KLHL8: variants seen among roughly 807,000 people sequenced by gnomAD.
KLHL8 encodes the protein kelch-like protein 8.
A neutral mutation model predicts 63.5 loss-of-function variants in KLHL8; 38 were observed. That is an observed-to-expected ratio of 0.60 (90% CI 0.46 to 0.78). The LOEUF (loss-of-function observed/expected upper bound fraction) is 0.78. KLHL8 is among the 30% of genes least tolerant of loss of function. KLHL8 has a pLI of 0.00. For synonymous variants in KLHL8, 224 were observed against 254.3 expected (o/e 0.88, Z 1.13); for missense variants, 566 against 752.4 (o/e 0.75, Z 2.90).
intron 6 of KLHL8, among the ~76,000 whole-genome samples, chr4:87,174,402 CGCA>C (rs1230381592): frequency 6.6e-6 from 1 of 151,928 alleles, no homozygotes; most frequent in Non-Finnish European, 1.5e-5. Flanking sequence ...CCTTAGCCTC[CGCA>C]GCAGCTGGGA....
chr4:87,162,063 G>C lies in KLHL8; in HGVS notation c.*1456C>G, dbSNP rs1020900139. ...TAAGATGCATGAGCTATTAGTCAATGAACTTTAGGGCTGGATGGATCAACG... is the reference window on the plus strand; with the variant it reads ...TAAGATGCATGAGCTATTAGTCAATCAACTTTAGGGCTGGATGGATCAACG... On this transcript the variant is annotated 3_prime_UTR_variant, in exon 10 of 10. Coordinates refer to ENST00000273963, the MANE Select transcript of KLHL8 (RefSeq NM_020803.5). The C allele has an allele frequency of 2.6e-5, 4 of 151,930 alleles. No individual in the cohort carries two copies. The highest frequency in any genetic ancestry group is 5.9e-5 in the Non-Finnish European group (4 of 68,024). The allele number at this position is 151,930 out of a possible 1,614,324, so 9.4% of individuals were successfully genotyped here. A position where few individuals can be genotyped will look rare whatever the true frequency, so the allele number is the denominator to read the frequency against.
chr4:87,190,926 T>TA (rs1413494223), intron 2 of KLHL8, among the ~76,000 whole-genome samples: 1 of 152,196 alleles, frequency 6.6e-6, no homozygotes, highest in Non-Finnish European at 1.5e-5. Context: ...GAGGTACAGA[T>TA]ACATGCTCAA....
chr4:87,166,431 T>C (rs550433601), intron 8 of KLHL8, among the ~76,000 whole-genome samples: 1 of 152,330 alleles, frequency 6.6e-6, no homozygotes, highest in South Asian at 2.1e-4. Context: ...TCCTCCTCTA[T>C]AAAGGAAGGT....
At chr4:87,235,000 C>T (rs1165961425) in intron 1 of KLHL8, among the ~76,000 whole-genome samples, 1 of 152,078 alleles carries the variant, frequency 6.6e-6, no homozygotes, top group Admixed American at 6.6e-5. Context: ...AATGGCTGTA[C>T]AGTGTGTTCT....
chr4:87,226,658 TA>T (rs1732986257), intron 1 of KLHL8, among the ~76,000 whole-genome samples: 5 of 57,286 alleles, frequency 8.7e-5, no homozygotes, highest in East Asian at 7.8e-4. Context: ...ATATATTACT[TA>T]TATATAATAT....
rs1352209057 is a variant in KLHL8, at chr4:87,207,563, T to C, written c.-151-11873A>G. On this transcript the variant is annotated intron_variant, in intron 1 of 9. Coordinates refer to ENST00000273963, the MANE Select transcript of KLHL8 (RefSeq NM_020803.5). The stretch of plus-strand genomic sequence containing the variant: ...TGCACCACCAACTGCTTAGCGCCCC[T>C]GGCCAATGTCATCCATGACAACTTT... 5 of 1,143,304 alleles carry C rather than the reference T, an allele frequency of 4.4e-6. No individual in the cohort carries two copies. The East Asian group carries it at 1.2e-4, about 27-fold the overall frequency. 70.8% of individuals were successfully genotyped at this position (1,143,304 alleles called of 1,614,324 possible). A position where few individuals can be genotyped will look rare whatever the true frequency, so the allele number is the denominator to read the frequency against.
chr4:87,239,301 C>T (rs536908838), intron 1 of KLHL8, among the ~76,000 whole-genome samples: 120 of 152,292 alleles, frequency 7.9e-4, no homozygotes, highest in Middle Eastern at 3.4e-3. Flanking sequence ...AAAGTTGTGA[C>T]TCTTTAAAGA....
chr4:87,201,966 G>C (rs906219848), intron 1 of KLHL8, among the ~76,000 whole-genome samples: 2 of 151,966 alleles, frequency 1.3e-5, no homozygotes, highest in African/African-American at 4.8e-5. Flanking sequence ...AAATTAGCTG[G>C]GCGTAGTGGC....
At chr4:87,193,844 G>A (rs1560705109) in intron 2 of KLHL8, among the ~76,000 whole-genome samples, 1 of 152,096 alleles carries the variant, frequency 6.6e-6, no homozygotes, top group African/African-American at 2.4e-5. Context: ...GGGGTCCATC[G>A]TTGACCAAAA....
intron 2 of KLHL8, among the ~76,000 whole-genome samples, chr4:87,188,433 C>G (rs1169970824): frequency 6.6e-6 from 1 of 152,170 alleles, no homozygotes; most frequent in Admixed American, 6.5e-5. Context: ...CTGTACAAAT[C>G]AATGGCCGGC....
At chr4:87,206,539 T>C (rs1414024062) in intron 1 of KLHL8, among the ~76,000 whole-genome samples, 2 of 152,216 alleles carry the variant, frequency 1.3e-5, no homozygotes, top group Admixed American at 6.5e-5. Flanking sequence ...TGTTTAAGCA[T>C]CACCTTATGG....
chr4:87,236,894 C>T (rs1197269881), intron 1 of KLHL8, among the ~76,000 whole-genome samples: 2 of 151,896 alleles, frequency 1.3e-5, no homozygotes, highest in Admixed American at 1.3e-4. Context: ...GAACTCCTGA[C>T]CTCAGGTGAG....
intron 8 of KLHL8, among the ~76,000 whole-genome samples, chr4:87,164,617 TAAC>T (rs779111029): frequency 2.0e-5 from 3 of 152,248 alleles, no homozygotes; most frequent in South Asian, 2.1e-4. Flanking sequence ...ATTTTTGTCA[TAAC>T]AACATTTTCC....
At chr4:87,181,321 A>G (rs62306548) in intron 4 of KLHL8, among the ~76,000 whole-genome samples, 29,307 of 151,676 alleles carry the variant, frequency 0.19, 3,399 homozygotes, top group Admixed American at 0.26. Flanking sequence ...TGGGGCACAC[A>G]AGAATGGCTT....
chr4:87,210,994 T>G (rs1203685287), intron 1 of KLHL8, among the ~76,000 whole-genome samples: 1 of 152,208 alleles, frequency 6.6e-6, no homozygotes, highest in Non-Finnish European at 1.5e-5. Context: ...TACTTATAAG[T>G]GCCTATTCAC....
intron 1 of KLHL8, among the ~76,000 whole-genome samples, chr4:87,216,409 T>G (rs1470463834): frequency 6.6e-6 from 1 of 152,226 alleles, no homozygotes; most frequent in Non-Finnish European, 1.5e-5. Flanking sequence ...ACATTTTTAC[T>G]AAAGAAACCT....
chr4:87,209,058 T>C lies in KLHL8; in HGVS notation c.-152+11360A>G, dbSNP rs561023297. 5.9e-5 allele frequency among the ~76,000 whole-genome samples: 9 copies of C among 152,084 alleles called. No homozygotes were observed. In the East Asian group the frequency reaches 1.6e-3, roughly 26 times the overall value. ...CAGGAAGACAGAAGCAGGAAAAGAG[T>C]ACTTACTCAAAGACTATTCACTCTG... is the stretch of plus-strand genomic sequence containing the variant. On this transcript the variant is annotated intron_variant, in intron 1 of 9. Transcript: ENST00000273963.
intron 2 of KLHL8, among the ~76,000 whole-genome samples, chr4:87,190,814 T>C (rs996939087): frequency 2.0e-5 from 3 of 152,210 alleles, no homozygotes; most frequent in Admixed American, 6.5e-5. Context: ...CTAAGTTCAC[T>C]GATGCCAACT....
chr4:87,215,168 T>C (rs569075531), intron 1 of KLHL8, among the ~76,000 whole-genome samples: 13 of 152,364 alleles, frequency 8.5e-5, no homozygotes, highest in African/African-American at 2.2e-4. Flanking sequence ...TGGATTCCCA[T>C]AGGTAAAATT....
Sources: allele counts gnomAD v4.1 joint callset (sites outside exome capture counted in the v4.1 genomes callset), GRCh38; gene constraint gnomAD v4.1.1; transcripts MANE v1.5; gene names NCBI Gene and HGNC (gene_info 2026-07-23, HGNC 2026-07-21).